RORA: variants seen among roughly 807,000 people sequenced by gnomAD.
RORA encodes nuclear receptor ROR-alpha.
A neutral mutation model predicts 69.5 loss-of-function variants in RORA; 7 were observed. That is an observed-to-expected ratio of 0.10 (90% CI 0.06 to 0.19). The LOEUF (loss-of-function observed/expected upper bound fraction) is 0.19, where lower values mean the gene tolerates loss of function less well. Among genes scored for constraint, RORA ranks in the 10% least tolerant of loss-of-function variants. RORA has a pLI of 1.00. For synonymous variants in RORA, 261 were observed against 240.8 expected, an observed-to-expected ratio of 1.08 and a Z score of -0.78; for missense variants, 457 against 663.0, an observed-to-expected ratio of 0.69 and a Z score of 3.41.
chr15:60,801,156 T>G (rs1011300064), intron 1 of RORA, among the ~76,000 whole-genome samples: 1 of 152,204 alleles, frequency 6.6e-6, no homozygotes, highest in African/African-American at 2.4e-5. Context: ...CAGACCCTAT[T>G]GAAGCATTTA....
chr15:60,649,493 C>T (rs1229550595), intron 2 of RORA, among the ~76,000 whole-genome samples: 2 of 152,184 alleles, frequency 1.3e-5, no homozygotes, highest in African/African-American at 2.4e-5. Context: ...CCTGACACGC[C>T]ACTTCCTAGC....
At chr15:60,663,157 T>TA (rs1240608861) in intron 2 of RORA, among the ~76,000 whole-genome samples, 2 of 152,216 alleles carry the variant, frequency 1.3e-5, no homozygotes, top group Non-Finnish European at 2.9e-5. Context: ...TCACTCTCTA[T>TA]AGGCATTGTC....
intron 2 of RORA, among the ~76,000 whole-genome samples, chr15:60,640,240 C>A (rs1490613852): frequency 6.6e-6 from 1 of 152,162 alleles, no homozygotes; most frequent in East Asian, 1.9e-4. Flanking sequence ...TTAGGCAAAT[C>A]ATTTAAGCCC....
At chr15:60,997,768 C>T (rs1894605473) in intron 1 of RORA, among the ~76,000 whole-genome samples, 1 of 152,224 alleles carries the variant, frequency 6.6e-6, no homozygotes, top group Non-Finnish European at 1.5e-5. Context: ...CAGAAACCCA[C>T]ATTTTCTCCC....
chr15:60,997,936 T>C (rs768355366), intron 1 of RORA, among the ~76,000 whole-genome samples: 2 of 152,214 alleles, frequency 1.3e-5, no homozygotes, highest in Non-Finnish European at 2.9e-5. Context: ...CTTGTTTATG[T>C]CTTCAACACA....
intron 1 of RORA, among the ~76,000 whole-genome samples, chr15:60,969,375 A>T (rs894823920): frequency 1.3e-5 from 2 of 152,144 alleles, no homozygotes; most frequent in African/African-American, 4.8e-5. Context: ...TTTCTTTGAG[A>T]CCAGTGTGGG....
chr15:61,093,398 A>C (rs923058667), intron 1 of RORA, among the ~76,000 whole-genome samples: 1 of 152,214 alleles, frequency 6.6e-6, no homozygotes, highest in Non-Finnish European at 1.5e-5. Context: ...CCAGCCAAAC[A>C]AATGATATAG....
chr15:60,952,127 T>G (rs1893126258), intron 1 of RORA, among the ~76,000 whole-genome samples: 1 of 151,414 alleles, frequency 6.6e-6, no homozygotes, highest in South Asian at 2.1e-4. Context: ...GATGCAAGGT[T>G]GGTTCAATAT....
intron 1 of RORA, among the ~76,000 whole-genome samples, chr15:61,062,916 T>TA (rs1329619690): frequency 6.6e-6 from 1 of 152,194 alleles, no homozygotes; most frequent in Non-Finnish European, 1.5e-5. Context: ...TTGTTTTCTA[T>TA]ATTTGTTTTT....
At chr15:61,200,479 A>G (rs542950028) in intron 1 of RORA, among the ~76,000 whole-genome samples, 18 of 152,304 alleles carry the variant, frequency 1.2e-4, no homozygotes, top group Non-Finnish European at 2.5e-4. Context: ...GGAGATACCA[A>G]ATGAATCACT....
chr15:60,960,962 T>C (rs1041268818), intron 1 of RORA, among the ~76,000 whole-genome samples: 7 of 152,180 alleles, frequency 4.6e-5, no homozygotes, highest in African/African-American at 1.7e-4. Context: ...GTCACACAGA[T>C]AGCAAGCAGC....
Position 61,016,911 on chromosome 15 carries a change from C to T in RORA, c.166+212142G>A, listed in dbSNP as rs148279877. Among the ~76,000 whole-genome samples, 13 of 152,110 alleles carry T rather than the reference C, an allele frequency of 8.5e-5. No individual in the cohort carries two copies. The East Asian group carries it at 2.3e-3, about 27-fold the overall frequency. ...AAGTGAGACCTGGAAATAAGGTTGC[C>T]CCATATATACTCAGCCGAAGACGTA... On this transcript the variant is annotated intron_variant, in intron 1 of 10. Coordinates refer to ENST00000335670, the MANE Select transcript of RORA (RefSeq NM_134261.3).
intron 1 of RORA, among the ~76,000 whole-genome samples, chr15:61,109,247 C>T (rs149782340): frequency 3.9e-5 from 6 of 152,232 alleles, no homozygotes; most frequent in African/African-American, 1.2e-4. Context: ...AAGCATGTTA[C>T]GTGTATTGTC....
At chr15:61,141,347 T>C (rs1332490291) in intron 1 of RORA, among the ~76,000 whole-genome samples, 1 of 152,202 alleles carries the variant, frequency 6.6e-6, no homozygotes, top group Non-Finnish European at 1.5e-5. Context: ...AATTTGTGAC[T>C]GGAATGATTT....
chr15:60,499,201 A>AT (rs2065255954), intron 10 of RORA, among the ~76,000 whole-genome samples: 1 of 152,182 alleles, frequency 6.6e-6, no homozygotes, highest in Non-Finnish European at 1.5e-5. Flanking sequence ...GGTCATCCTG[A>AT]TTAAGTCTTT....
intron 1 of RORA, among the ~76,000 whole-genome samples, chr15:60,950,615 C>A: frequency 8.1e-6 from 1 of 123,622 alleles, no homozygotes. Context: ...AAATGGAAAA[C>A]AAAAAAAGGC....
chr15:60,555,129 T>A (rs1468612357), intron 2 of RORA, among the ~76,000 whole-genome samples: 1 of 152,150 alleles, frequency 6.6e-6, no homozygotes, highest in Non-Finnish European at 1.5e-5. Context: ...AGTTCTTAGC[T>A]TCTCTCTGTA....
At position 61,061,645 on chromosome 15, in the gene RORA, A is replaced by G. The variant is rs1048256596; in HGVS notation, c.166+167408T>C. Among the ~76,000 whole-genome samples, 3 of 152,206 alleles carry G rather than the reference A, an allele frequency of 2.0e-5. No homozygotes were observed. The highest frequency in any genetic ancestry group is 2.1e-4 in the South Asian group (1 of 4,830). On this transcript the variant is annotated intron_variant, in intron 1 of 10. Transcript: ENST00000335670. This position sits in a 1 kb window ranked among gnomAD's most constrained non-coding sequence, Gnocchi z 4.4. The stretch of plus-strand genomic sequence containing the variant: ...AAAATAATTCAGGTTTACATAATCT[A>G]TCTCTAATTGCAAGAGTTAAGAGGA...
intron 1 of RORA, among the ~76,000 whole-genome samples, chr15:61,071,166 A>G (rs975601262): frequency 7.6e-6 from 1 of 131,658 alleles, no homozygotes; most frequent in Non-Finnish European, 1.6e-5. Context: ...CAAAGCATTC[A>G]GAGAAACACA....
Sources: gnomAD v4.1 joint callset for allele counts (sites outside exome capture counted in the v4.1 genomes callset) on GRCh38, gnomAD v4.1.1 for gene constraint, Gnocchi (gnomAD v3.1) non-coding constraint, MANE v1.5 for transcripts, NCBI Gene and HGNC (gene_info 2026-07-23, HGNC 2026-07-21) for gene names.